Variants in SNTG2 observed in about 807,000 individuals in gnomAD.
SNTG2 encodes gamma-2-syntrophin.
Under a neutral mutation model 70.9 loss-of-function variants are expected in SNTG2, and 74 were observed. The observed-to-expected ratio is 1.04, with a 90% CI of 0.86 to 1.27. The LOEUF (loss-of-function observed/expected upper bound fraction) is 1.27. Among genes scored for constraint, SNTG2 ranks in the 50% most tolerant of loss-of-function variants. The pLI, the probability that SNTG2 is intolerant of heterozygous loss-of-function variation, is 0.00. For missense variants in SNTG2, 717 were observed against 690.7 expected, an observed-to-expected ratio of 1.04 and a Z score of -0.43; for synonymous variants, 278 against 273.8, an observed-to-expected ratio of 1.02 and a Z score of -0.15.
At chr2:1,133,728 G>A (rs758437603) in intron 4 of SNTG2, among the ~76,000 whole-genome samples, 21 of 152,202 alleles carry the variant, frequency 1.4e-4, no homozygotes, top group Non-Finnish European at 2.1e-4. Context: ...AAAAGTGTCC[G>A]TCAGCTGAAA....
chr2:969,208 C>G (rs544026510), intron 1 of SNTG2, among the ~76,000 whole-genome samples: 1 of 152,266 alleles, frequency 6.6e-6, no homozygotes, highest in East Asian at 1.9e-4. Flanking sequence ...GCTTGCTACT[C>G]GGTTCCATTG....
At chr2:1,090,003 T>C (rs1364432275) in intron 2 of SNTG2, among the ~76,000 whole-genome samples, 3 of 152,222 alleles carry the variant, frequency 2.0e-5, no homozygotes, top group Non-Finnish European at 1.5e-5. Context: ...CTACCGACTG[T>C]TCCATTTACA....
At chr2:1,010,817 A>G (rs939852768) in intron 1 of SNTG2, among the ~76,000 whole-genome samples, 1 of 152,228 alleles carries the variant, frequency 6.6e-6, no homozygotes, top group Non-Finnish European at 1.5e-5. Flanking sequence ...GCAGGGCCCA[A>G]GGGAGGGGCT....
At chr2:1,215,269 T>A (rs1297570719) in intron 9 of SNTG2, among the ~76,000 whole-genome samples, 1 of 152,156 alleles carries the variant, frequency 6.6e-6, no homozygotes, top group Non-Finnish European at 1.5e-5. Flanking sequence ...TTGGAAGTGT[T>A]CCCTACTCTT....
At chr2:1,051,675 A>G (rs1662082153) in intron 1 of SNTG2, among the ~76,000 whole-genome samples, 1 of 152,228 alleles carries the variant, frequency 6.6e-6, no homozygotes, top group East Asian at 1.9e-4. Flanking sequence ...AGTATATGCC[A>G]TGTTGTGAAC....
chr2:1,061,054 T>C (rs1047935973), intron 1 of SNTG2, among the ~76,000 whole-genome samples: 7 of 151,972 alleles, frequency 4.6e-5, no homozygotes, highest in Admixed American at 3.3e-4. Flanking sequence ...AAACTTCAGC[T>C]GAGGAACATT....
intron 1 of SNTG2, among the ~76,000 whole-genome samples, chr2:1,021,660 C>G (rs1660183226): frequency 6.6e-6 from 1 of 151,644 alleles, no homozygotes. Flanking sequence ...TGAAGTGCAG[C>G]ACTATGATCA....
intron 14 of SNTG2, among the ~76,000 whole-genome samples, chr2:1,290,463 C>G (rs566450730): frequency 6.6e-6 from 1 of 152,116 alleles, no homozygotes; most frequent in Admixed American, 6.5e-5. Flanking sequence ...TATAGACATG[C>G]ACCACCACAC....
At chr2:1,117,111 G>A (rs1199065514) in intron 4 of SNTG2, among the ~76,000 whole-genome samples, 2 of 151,656 alleles carry the variant, frequency 1.3e-5, no homozygotes, top group African/African-American at 2.4e-5. Flanking sequence ...CCCGGTGTAC[G>A]GGTGCTCTTG....
chr2:1,076,914 TCTC>T (rs1366057957), intron 1 of SNTG2, among the ~76,000 whole-genome samples: 3 of 152,220 alleles, frequency 2.0e-5, no homozygotes, highest in Admixed American at 6.5e-5. Context: ...TTCTGAGTCT[TCTC>T]CATGCTATGT....
chr2:1,100,118 G>T (rs1286227411), intron 4 of SNTG2, among the ~76,000 whole-genome samples: 5 of 151,906 alleles, frequency 3.3e-5, no homozygotes, highest in Non-Finnish European at 7.4e-5. Flanking sequence ...AGAGAGCTAT[G>T]CAGGCCTCTG....
chr2:1,189,162 AAAGC>A (rs1672424957), intron 8 of SNTG2, among the ~76,000 whole-genome samples: 2 of 151,890 alleles, frequency 1.3e-5, no homozygotes, highest in Admixed American at 6.6e-5. Context: ...TCAAAAATAG[AAAGC>A]GTAATAAAAA....
intron 14 of SNTG2, among the ~76,000 whole-genome samples, chr2:1,274,106 T>C (rs1679171912): frequency 2.0e-5 from 3 of 152,192 alleles, no homozygotes; most frequent in Admixed American, 2.0e-4. Context: ...ACAGCACACA[T>C]ATTAGAATGA....
At chr2:1,244,546 A>G (rs1677281404) in intron 11 of SNTG2, among the ~76,000 whole-genome samples, 1 of 151,942 alleles carries the variant, frequency 6.6e-6, no homozygotes, top group South Asian at 2.1e-4. Flanking sequence ...AATACAAAAA[A>G]TTAGCAGGGC....
intron 16 of SNTG2, among the ~76,000 whole-genome samples, chr2:1,332,771 AC>A (rs1659600997): frequency 6.6e-6 from 1 of 152,218 alleles, no homozygotes; most frequent in African/African-American, 2.4e-5. Flanking sequence ...TATGATTAAA[AC>A]CCTCAGTAAA....
intron 8 of SNTG2, among the ~76,000 whole-genome samples, chr2:1,204,821 A>G (rs1673526379): frequency 1.3e-5 from 2 of 152,232 alleles, no homozygotes; most frequent in South Asian, 4.1e-4. Flanking sequence ...TACTACGCAC[A>G]GTTTTCAGGC....
chr2:1,228,101 G>T (rs1572801551), intron 9 of SNTG2, among the ~76,000 whole-genome samples: 1 of 152,188 alleles, frequency 6.6e-6, no homozygotes, highest in Admixed American at 6.5e-5. Context: ...CCATGTCTCA[G>T]ATCTCAGCTA....
At chr2:1,098,467 T>A (rs1008641668) in intron 4 of SNTG2, 57 bp downstream of exon 4, 86 of 1,528,584 alleles carry the variant, frequency 5.6e-5, no homozygotes, top group African/African-American at 1.4e-5. Context: ...AGATAACAAA[T>A]TACTGAAAAT....
chr2:1,113,949 G>A (rs932281060), intron 4 of SNTG2, among the ~76,000 whole-genome samples: 1 of 150,974 alleles, frequency 6.6e-6, no homozygotes, highest in East Asian at 2.0e-4. Context: ...TGTTTCCTAA[G>A]TGAAGTTTAA....
Sources: gnomAD v4.1 joint callset for allele counts (sites outside exome capture counted in the v4.1 genomes callset) on GRCh38, gnomAD v4.1.1 for gene constraint, MANE v1.5 for transcripts, NCBI Gene and HGNC (gene_info 2026-07-23, HGNC 2026-07-21) for gene names.